RERE: variants seen among roughly 807,000 people sequenced by gnomAD.
RERE encodes the protein arginine-glutamic acid dipeptide repeats.
In RERE, 40 loss-of-function variants were observed where a neutral mutation model predicts 146.1. The observed-to-expected ratio is 0.27, with a 90% CI of 0.21 to 0.36. The LOEUF is 0.36. RERE is among the 10% of genes least tolerant of loss of function. RERE has a pLI of 1.00. For synonymous variants in RERE, 1,003 were observed against 866.0 expected (o/e 1.16, Z -2.78); for missense variants, 1,933 against 2,138.7 (o/e 0.90, Z 1.90).
At chr1:8,612,778 G>GT (rs1646807807) in intron 4 of RERE, among the ~76,000 whole-genome samples, 1 of 152,142 alleles carries the variant, frequency 6.6e-6, no homozygotes, top group South Asian at 2.1e-4. Context: ...AGACATATTG[G>GT]TAATTGCTAA....
At chr1:8,525,253 T>C (rs1289021597) in intron 7 of RERE, among the ~76,000 whole-genome samples, 2 of 152,240 alleles carry the variant, frequency 1.3e-5, no homozygotes, top group South Asian at 2.1e-4. Context: ...ACAAAAATTA[T>C]AATTTGCTCT....
chr1:8,694,626 G>A (rs1223512836), intron 1 of RERE, among the ~76,000 whole-genome samples: 1 of 152,042 alleles, frequency 6.6e-6, no homozygotes, highest in African/African-American at 2.4e-5. Context: ...GGGCGTGGTG[G>A]CACATGCCTG....
intron 1 of RERE, among the ~76,000 whole-genome samples, chr1:8,809,993 TTTGTTGTTG>T (rs757435268): frequency 1.3e-5 from 2 of 151,452 alleles, no homozygotes; most frequent in African/African-American, 2.4e-5. Flanking sequence ...TGTTTTTGTT[TTTGTTGTTG>T]TTGTTGTTGT....
In RERE at chr1:8,352,684, A is replaced by G. The variant is rs941085262; in HGVS notation, c.*2403T>C. 1 of 152,294 alleles carries G rather than the reference A, an allele frequency of 6.6e-6. No individual in the cohort carries two copies. The highest frequency in any genetic ancestry group is 1.5e-5 in the Non-Finnish European group (1 of 68,040). The allele number at this position is 152,294 out of a possible 1,614,324, so 9.4% of individuals were successfully genotyped here. Reference sequence around the variant, plus strand: ...AGAGGAGCCAAACCAAACCCCGAACAAAGGGAGGAAAATCCGAAGGAAACC... The same window carrying G: ...AGAGGAGCCAAACCAAACCCCGAACGAAGGGAGGAAAATCCGAAGGAAACC... On this transcript the variant is annotated 3_prime_UTR_variant, in exon 23 of 23. Transcript: ENST00000400908.
intron 4 of RERE, among the ~76,000 whole-genome samples, chr1:8,607,883 G>A (rs748870440): frequency 2.6e-5 from 4 of 151,684 alleles, no homozygotes; most frequent in African/African-American, 4.8e-5. Flanking sequence ...CCGCCACCAC[G>A]CCTGGCTAAT....
chr1:8,771,038 A>C (rs1464773687), intron 1 of RERE, among the ~76,000 whole-genome samples: 1 of 152,216 alleles, frequency 6.6e-6, no homozygotes, highest in Non-Finnish European at 1.5e-5. Context: ...CAGTATGTAG[A>C]ATAAAATCTT....
chr1:8,566,335 A>G (rs1378149414), intron 4 of RERE, among the ~76,000 whole-genome samples: 1 of 152,076 alleles, frequency 6.6e-6, no homozygotes, highest in Non-Finnish European at 1.5e-5. Context: ...AAAATAAAAT[A>G]CCTGGGCTGG....
intron 12 of RERE, among the ~76,000 whole-genome samples, chr1:8,369,128 G>A (rs1329864054): frequency 1.3e-5 from 2 of 152,186 alleles, no homozygotes; most frequent in Non-Finnish European, 2.9e-5. Flanking sequence ...TTGAGCCCAG[G>A]AGGCTGAGGC....
At chr1:8,700,971 GTCTTGTTCTATC>G (rs1359575882) in intron 1 of RERE, among the ~76,000 whole-genome samples, 1 of 152,112 alleles carries the variant, frequency 6.6e-6, no homozygotes, top group African/African-American at 2.4e-5. Context: ...ACAAAAGCTT[GTCTTGTTCTATC>G]ACTTGCTTAA....
intron 1 of RERE, among the ~76,000 whole-genome samples, chr1:8,763,914 C>T (rs1414872641): frequency 6.6e-6 from 1 of 150,826 alleles, no homozygotes; most frequent in Non-Finnish European, 1.5e-5. Flanking sequence ...GCACTCCAGC[C>T]TGGCAACAGA....
intron 12 of RERE, among the ~76,000 whole-genome samples, chr1:8,389,372 G>A (rs778935926): frequency 1.4e-4 from 21 of 152,174 alleles, no homozygotes; most frequent in Non-Finnish European, 2.4e-4. Context: ...ATCCACTGGC[G>A]TGTGACGTCA....
intron 12 of RERE, among the ~76,000 whole-genome samples, chr1:8,401,857 A>G (rs751531108): frequency 1.8e-4 from 27 of 151,962 alleles, no homozygotes; most frequent in Admixed American, 2.0e-4. Flanking sequence ...ATGCTGTGTA[A>G]ATTTATTTTA....
intron 1 of RERE, among the ~76,000 whole-genome samples, chr1:8,707,683 C>A (rs992292083): frequency 2.0e-5 from 3 of 152,182 alleles, no homozygotes; most frequent in Non-Finnish European, 4.4e-5. Context: ...ATTTAGCTCA[C>A]CCATGTCAAA....
intron 3 of RERE, among the ~76,000 whole-genome samples, chr1:8,619,819 A>AT (rs1243129460): frequency 6.6e-6 from 1 of 152,250 alleles, no homozygotes; most frequent in Non-Finnish European, 1.5e-5. Context: ...TTTTAGAACT[A>AT]AAGTGAATGC....
chr1:8,478,260 G>A (rs770675864), intron 10 of RERE, among the ~76,000 whole-genome samples: 4 of 152,100 alleles, frequency 2.6e-5, no homozygotes, highest in Non-Finnish European at 4.4e-5. Context: ...TTTTGTTAAC[G>A]GACACCAGTA....
intron 10 of RERE, among the ~76,000 whole-genome samples, chr1:8,476,753 C>A (rs1420966983): frequency 6.6e-6 from 1 of 152,196 alleles, no homozygotes; most frequent in Non-Finnish European, 1.5e-5. Flanking sequence ...GCAGTAAAAA[C>A]AGGCTACACG....
At chr1:8,649,655 A>G (rs1244644294) in intron 2 of RERE, among the ~76,000 whole-genome samples, 15 of 151,478 alleles carry the variant, frequency 9.9e-5, no homozygotes, top group Admixed American at 9.9e-4. Context: ...ACTTGAACCC[A>G]GGAGGCGGAG....
chr1:8,473,164 C>T (rs986827698), intron 10 of RERE, among the ~76,000 whole-genome samples: 1 of 152,034 alleles, frequency 6.6e-6, no homozygotes, highest in African/African-American at 2.4e-5. Context: ...TTTTTTCCTT[C>T]GTTTTTGGTT....
intron 12 of RERE, among the ~76,000 whole-genome samples, chr1:8,409,772 T>C (rs1643560468): frequency 1.3e-5 from 2 of 152,152 alleles, no homozygotes; most frequent in South Asian, 2.1e-4. Context: ...GGTGCTAAGA[T>C]TATCAGCATG....
Sources: gnomAD v4.1 joint callset for allele counts (sites outside exome capture counted in the v4.1 genomes callset) on GRCh38, gnomAD v4.1.1 for gene constraint, MANE v1.5 for transcripts, NCBI Gene and HGNC (gene_info 2026-07-23, HGNC 2026-07-21) for gene names.